USH2A: variants seen among roughly 807,000 people sequenced by gnomAD.
USH2A encodes Usher syndrome 2A (autosomal recessive, mild).
Under a neutral mutation model 538.9 loss-of-function variants are expected in USH2A, and 443 were observed. The ratio of observed to expected loss-of-function variants is 0.82; its 90% CI spans 0.76 to 0.89. USH2A has a LOEUF of 0.89. Among genes scored for constraint, USH2A ranks in the 40% least tolerant of loss-of-function variants. The pLI is 0.00. For missense variants in USH2A, 6,633 were observed against 6,324.8 expected (o/e 1.05, Z -1.65); for synonymous variants, 2,413 against 2,273.5 (o/e 1.06, Z -1.75).
chr1:216,244,220 T>C (rs538655831), intron 13 of USH2A, among the ~76,000 whole-genome samples: 39 of 152,234 alleles, frequency 2.6e-4, no homozygotes, highest in African/African-American at 8.4e-4. Context: ...ATCAGGTAGA[T>C]TGAAATCGGC....
At chr1:215,901,305 G>A (rs1665493706) in intron 38 of USH2A, 2 of 300,444 alleles carry the variant, frequency 6.7e-6, no homozygotes, top group Admixed American at 4.7e-5. Context: ...TCTTCCCCCC[G>A]ATATCATCCA....
At position 216,415,508 on chromosome 1, in the gene USH2A, C is replaced by CTTTTTTTT. The variant is rs71161423; in HGVS notation, c.651+2998_651+3005dup. Among the ~76,000 whole-genome samples, 123 of 96,858 alleles carry CTTTTTTTT rather than the reference C, an allele frequency of 1.3e-3. 5 individuals carry two copies. The highest frequency in any genetic ancestry group is 4.6e-3 in the African/African-American group (118 of 25,814). The allele number at this position is 96,858 out of a possible 152,430, so 63.5% of individuals were successfully genotyped here. On this transcript the variant is annotated intron_variant, in intron 3 of 71. Coordinates refer to ENST00000307340, the MANE Select transcript of USH2A (RefSeq NM_206933.4). Reference sequence around the variant, plus strand: ...TCCTAATCTCCTGTCCTTCCTGTCACTTTTTTTTTTTTTTTTTTTTTTTTT... The same window carrying CTTTTTTTT: ...TCCTAATCTCCTGTCCTTCCTGTCACTTTTTTTTTTTTTTTTTTTTTTTTTTTTTTTTT...
At chr1:216,189,482 A>G (rs917338839) in intron 20 of USH2A, among the ~76,000 whole-genome samples, 1 of 152,028 alleles carries the variant, frequency 6.6e-6, no homozygotes, top group African/African-American at 2.4e-5. Context: ...ATTTGAAAAT[A>G]TATTAATGCT....
rs969896711 is a variant in USH2A at position 216,295,000 on chromosome 1, C to T, written c.1645-2630G>A. On this transcript the variant is annotated intron_variant, in intron 9 of 71. Coordinates refer to ENST00000307340, the MANE Select transcript of USH2A (RefSeq NM_206933.4). ...ATATACAGTTATATTTATTTCCTTC[C>T]CCTACTTTATTGGCCAGAATTTTCA... 5.3e-5 allele frequency among the ~76,000 whole-genome samples: 8 copies of T among 151,380 alleles called. 1 individual carries two copies. The highest frequency in any genetic ancestry group is 7.4e-5 in the Non-Finnish European group (5 of 67,628).
At chr1:215,912,479 A>ATATATATATGTGTATATATATATATATG (rs1558157904) in intron 38 of USH2A, among the ~76,000 whole-genome samples, 1 of 31,762 alleles carries the variant, frequency 3.1e-5, no homozygotes, top group Non-Finnish European at 5.6e-5. Context: ...ATATATACGT[A>ATATATATATGTGTATATATATATATATG]TATATATATA....
intron 21 of USH2A, among the ~76,000 whole-genome samples, chr1:216,164,185 C>T (rs975623678): frequency 2.6e-5 from 4 of 151,956 alleles, no homozygotes; most frequent in South Asian, 2.1e-4. Context: ...AAACTGCATA[C>T]GAACCGAATG....
chr1:216,032,905 C>G (rs1244613122), intron 32 of USH2A, among the ~76,000 whole-genome samples: 1 of 152,138 alleles, frequency 6.6e-6, no homozygotes, highest in Non-Finnish European at 1.5e-5. Context: ...AGATGAGAGC[C>G]CAAACTGCCC....
At chr1:216,140,973 C>T (rs2033590773) in intron 21 of USH2A, among the ~76,000 whole-genome samples, 1 of 152,176 alleles carries the variant, frequency 6.6e-6, no homozygotes, top group African/African-American at 2.4e-5. Flanking sequence ...TGTCTTTCTT[C>T]CACAGATGAA....
chr1:215,844,208 A>T, intron 46 of USH2A, 86 bp downstream of exon 46: 1 of 1,364,114 alleles, frequency 7.3e-7, no homozygotes, highest in Non-Finnish European at 1.0e-6. Flanking sequence ...TGTAACCAAG[A>T]CAGAAGATAT....
chr1:215,999,590 C>A (rs531651663), intron 33 of USH2A, among the ~76,000 whole-genome samples: 17 of 152,166 alleles, frequency 1.1e-4, no homozygotes, highest in African/African-American at 3.9e-4. Context: ...GAAGGAAGAA[C>A]AGAGGGCATT....
rs780709921 is a variant in USH2A at position 215,867,133 on chromosome 1, T to C, written c.8719A>G (p.Ser2907Gly). ...TYEYMLFVHN[S>G]VGFTPSREVT... ...TCTCGGCTCGGTGTAAAACCCACACTGTTGTGTACGAAGAGCATATATTCA... is the reference window on the plus strand; with the variant it reads ...TCTCGGCTCGGTGTAAAACCCACACCGTTGTGTACGAAGAGCATATATTCA... Residue 2907 changes from serine to glycine, a missense_variant, in exon 44 of 72, where the codon AGT becomes GGT. Ser to Gly is a moderately conservative substitution (Grantham distance 56, BLOSUM62 0). Coordinates refer to ENST00000307340, the MANE Select transcript of USH2A (RefSeq NM_206933.4). The C allele has an allele frequency of 1.9e-6, 3 of 1,614,140 alleles. No individual in the cohort carries two copies. Among genetic ancestry groups the C allele is most frequent in the Non-Finnish European group, 2.5e-6 (3 of 1,179,998 alleles).
intron 9 of USH2A, among the ~76,000 whole-genome samples, chr1:216,318,581 C>T (rs944023824): frequency 6.6e-6 from 1 of 152,114 alleles, no homozygotes; most frequent in Non-Finnish European, 1.5e-5. Flanking sequence ...TTCCCTGCAG[C>T]TGCATTTGCA....
At chr1:216,215,937 C>T (rs1414692177) in intron 15 of USH2A, among the ~76,000 whole-genome samples, 1 of 151,948 alleles carries the variant, frequency 6.6e-6, no homozygotes, top group Non-Finnish European at 1.5e-5. Context: ...AGAGATAATT[C>T]CCAGACTATG....
intron 4 of USH2A, among the ~76,000 whole-genome samples, chr1:216,336,002 C>T (rs2037967247): frequency 1.3e-5 from 2 of 151,396 alleles, no homozygotes; most frequent in Admixed American, 1.3e-4. Context: ...CTTATGAATA[C>T]AGATGCAAAA....
chr1:215,944,424 GA>G (rs1378466480), intron 37 of USH2A, among the ~76,000 whole-genome samples: 1 of 152,112 alleles, frequency 6.6e-6, no homozygotes, highest in Non-Finnish European at 1.5e-5. Flanking sequence ...TGATTCTCTT[GA>G]GTAAATATTT....
At chr1:215,855,255 T>C (rs1664132567) in intron 44 of USH2A, among the ~76,000 whole-genome samples, 1 of 151,888 alleles carries the variant, frequency 6.6e-6, no homozygotes, top group African/African-American at 2.4e-5. Flanking sequence ...GACTAAAGAG[T>C]CATCCAAAAA....
intron 44 of USH2A, among the ~76,000 whole-genome samples, chr1:215,846,657 A>G (rs1663856788): frequency 1.3e-5 from 2 of 152,178 alleles, no homozygotes; most frequent in African/African-American, 2.4e-5. Context: ...TATTCAATGA[A>G]TCATCAGAAC....
chr1:216,022,482 A>G (rs1668865974), intron 32 of USH2A, among the ~76,000 whole-genome samples: 1 of 152,180 alleles, frequency 6.6e-6, no homozygotes, highest in Non-Finnish European at 1.5e-5. Context: ...CCTGGTTCTC[A>G]GAAGAGAGAG....
At chr1:216,140,529 T>C (rs1048198663) in intron 21 of USH2A, among the ~76,000 whole-genome samples, 1 of 152,184 alleles carries the variant, frequency 6.6e-6, no homozygotes, top group African/African-American at 2.4e-5. Context: ...TAAAGCCAAG[T>C]AATTCAATAT....
Sources: gnomAD v4.1 joint callset for allele counts (sites outside exome capture counted in the v4.1 genomes callset) on GRCh38, gnomAD v4.1.1 for gene constraint, MANE v1.5 for transcripts, NCBI Gene and HGNC (gene_info 2026-07-23, HGNC 2026-07-21) for gene names.